The following IQSEC1 variants were observed in gnomAD, a reference collection of about 807,000 sequenced individuals.
The protein encoded by IQSEC1 is IQ motif and Sec7 domain ArfGEF 1.
In IQSEC1, 31 loss-of-function variants were observed where a neutral mutation model predicts 91.0. The observed-to-expected ratio is 0.34, with a 90% confidence interval of 0.26 to 0.46. The LOEUF (loss-of-function observed/expected upper bound fraction) is 0.46, where lower values mean the gene tolerates loss of function less well. IQSEC1 is among the 20% of genes least tolerant of loss of function. IQSEC1 has a pLI of 1.00. For synonymous variants in IQSEC1, 699 were observed against 662.6 expected, an observed-to-expected ratio of 1.05 and a Z score of -0.84; for missense variants, 1,388 against 1,575.6, an observed-to-expected ratio of 0.88 and a Z score of 2.02.
chr3:13,191,314 G>C (rs143159701), intron 1 of IQSEC1, among the ~76,000 whole-genome samples: 2 of 152,232 alleles, frequency 1.3e-5, no homozygotes, highest in East Asian at 3.9e-4. Flanking sequence ...CACAGGCTGG[G>C]CATCTTCCTC....
intron 2 of IQSEC1, among the ~76,000 whole-genome samples, chr3:13,081,749 G>A (rs1018564911): frequency 3.3e-5 from 5 of 152,388 alleles, no homozygotes; most frequent in African/African-American, 1.2e-4. Context: ...GGAGTCGGAT[G>A]TGGGTTTGAA....
intron 3 of IQSEC1, among the ~76,000 whole-genome samples, chr3:12,928,512 A>G (rs1697364354): frequency 6.6e-6 from 1 of 152,140 alleles, no homozygotes; most frequent in South Asian, 2.1e-4. Flanking sequence ...TGCAGGAGTG[A>G]CAGGCCCTCA....
intron 1 of IQSEC1, among the ~76,000 whole-genome samples, chr3:13,275,199 A>G (rs1343809940): frequency 6.6e-6 from 1 of 152,242 alleles, no homozygotes; most frequent in Non-Finnish European, 1.5e-5. Context: ...GGCAGCACCT[A>G]GAACGGGCTC....
At chr3:12,989,218 C>T (rs1701879776) in intron 1 of IQSEC1, among the ~76,000 whole-genome samples, 1 of 152,240 alleles carries the variant, frequency 6.6e-6, no homozygotes, top group Non-Finnish European at 1.5e-5. Flanking sequence ...GGCTTTCGGT[C>T]TCTTTTGCTC....
At position 13,125,847 on chromosome 3, in the gene IQSEC1, C is replaced by T. The variant is rs377634978; in HGVS notation, c.302+38257G>A. ...AGCCAGCTGAGGGCCATGGGCTGCCCGGTGTTCCCCTCCCAGTGCGGTCCT... is the reference window on the plus strand; with the variant it reads ...AGCCAGCTGAGGGCCATGGGCTGCCTGGTGTTCCCCTCCCAGTGCGGTCCT... On this transcript the variant is annotated intron_variant, in intron 2 of 15. Transcript: ENST00000648114. Among the ~76,000 whole-genome samples, 36 of 152,300 alleles carry T rather than the reference C, an allele frequency of 2.4e-4. No homozygotes were observed. In the East Asian group the frequency reaches 5.8e-3, roughly 24 times the overall value.
At chr3:13,210,096 A>G (rs1694415592) in intron 1 of IQSEC1, among the ~76,000 whole-genome samples, 1 of 152,174 alleles carries the variant, frequency 6.6e-6, no homozygotes, top group Admixed American at 6.5e-5. Flanking sequence ...CCCGGTTCTC[A>G]GCCCAGGGAG....
rs188455945 is a variant in IQSEC1 at position 12,970,010 on chromosome 3, A to G, written c.24-28145T>C. On this transcript the variant is annotated intron_variant, in intron 1 of 13. Transcript: ENST00000613206. The surrounding 1 kb of genome is among the most constrained non-coding windows in gnomAD (Gnocchi z 4.4). Reference sequence around the variant, plus strand: ...AGAGAAGGCCAATTTTTCTGCAGAAATGACCAGACTGGTCAGAATCCTTGC... The same window carrying G: ...AGAGAAGGCCAATTTTTCTGCAGAAGTGACCAGACTGGTCAGAATCCTTGC... Among the ~76,000 whole-genome samples the G allele has an allele frequency of 1.5e-3, 224 of 152,372 alleles. 1 individual carries two copies. Among genetic ancestry groups the G allele is most frequent in the Non-Finnish European group, 2.6e-3 (179 of 68,032 alleles).
intron 1 of IQSEC1, among the ~76,000 whole-genome samples, chr3:13,007,717 G>A (rs761985677): frequency 6.6e-6 from 1 of 152,166 alleles, no homozygotes; most frequent in Non-Finnish European, 1.5e-5. Context: ...GAAAGCCTCC[G>A]CAGGCCACCC....
At chr3:12,920,978 G>A (rs772837291) in intron 5 of IQSEC1, among the ~76,000 whole-genome samples, 1 of 152,176 alleles carries the variant, frequency 6.6e-6, no homozygotes, top group African/African-American at 2.4e-5. Context: ...CCTGCCCTCC[G>A]GGACCTTGAG....
intron 2 of IQSEC1, among the ~76,000 whole-genome samples, chr3:13,163,444 C>T (rs1386800732): frequency 6.6e-6 from 1 of 152,206 alleles, no homozygotes; most frequent in Non-Finnish European, 1.5e-5. Flanking sequence ...TGACCCCCAT[C>T]TCCCATGACC....
intron 2 of IQSEC1, among the ~76,000 whole-genome samples, chr3:13,078,432 C>G (rs1044954040): frequency 2.6e-5 from 4 of 152,192 alleles, no homozygotes; most frequent in African/African-American, 7.2e-5. Flanking sequence ...GGCTCCCTCC[C>G]GCACCCAACG....
chr3:13,190,168 C>T (rs1172849829), intron 1 of IQSEC1, among the ~76,000 whole-genome samples: 1 of 152,194 alleles, frequency 6.6e-6, no homozygotes, highest in Non-Finnish European at 1.5e-5. Flanking sequence ...CAAGAACCCT[C>T]CCCCCAACCC....
intron 2 of IQSEC1, among the ~76,000 whole-genome samples, chr3:13,090,476 C>A (rs776251209): frequency 3.9e-5 from 6 of 152,190 alleles, no homozygotes; most frequent in Non-Finnish European, 8.8e-5. Flanking sequence ...AGTCCCAGCA[C>A]TCAGGCACAC....
intron 13 of IQSEC1, 115 bp downstream of exon 13, chr3:12,902,658 C>CAAAAAAAAAAAAAAA (rs63063761): frequency 2.3e-5 from 6 of 264,630 alleles, no homozygotes; most frequent in African/African-American, 5.0e-5. Flanking sequence ...AAAAAAACAA[C>CAAAAAAAAAAAAAAA]AAAAAAAAAA....
chr3:12,899,249 T>C lies in IQSEC1; in HGVS notation c.*1734A>G, dbSNP rs1454072065. On this transcript the variant is annotated 3_prime_UTR_variant, in exon 14 of 14. Transcript: ENST00000613206. ...ACAGCCAGAGGGGGCTCCCCTCTCC[T>C]CCTGCCGTCCGGCCACGGCTCACCA... 2.2e-6 allele frequency: 2 copies of C among 928,918 alleles called. No homozygotes were observed. Among genetic ancestry groups the C allele is most frequent in the African/African-American group, 3.3e-5 (2 of 59,816 alleles). 57.5% of individuals were successfully genotyped at this position (928,918 alleles called of 1,614,324 possible). A position where few individuals can be genotyped will look rare whatever the true frequency, so the allele number is the denominator to read the frequency against.
rs76859533 is a variant in IQSEC1 at position 12,996,778 on chromosome 3, G to T, written c.24-54913C>A. ...AAAGGATATGAACAAGCAGCTCATGGAAAGATCTTCAATCTCACTTGTAAT... is the reference window on the plus strand; with the variant it reads ...AAAGGATATGAACAAGCAGCTCATGTAAAGATCTTCAATCTCACTTGTAAT... On this transcript the variant is annotated intron_variant, in intron 1 of 13. Coordinates refer to ENST00000613206, the MANE Select transcript of IQSEC1 (RefSeq NM_001134382.3). 8.3e-3 allele frequency among the ~76,000 whole-genome samples: 1,266 copies of T among 152,316 alleles called. 18 individuals are homozygous for T. The highest frequency in any genetic ancestry group is 0.029 in the African/African-American group (1,203 of 41,574).
intron 1 of IQSEC1, among the ~76,000 whole-genome samples, chr3:13,179,508 A>G (rs985985605): frequency 6.6e-6 from 1 of 152,272 alleles, no homozygotes; most frequent in Non-Finnish European, 1.5e-5. Context: ...ACAGTGATAA[A>G]GGGGCCAATT....
chr3:12,913,005 G>A lies in IQSEC1; in HGVS notation c.2316+423C>T, dbSNP rs192043687. 3.1e-3 allele frequency among the ~76,000 whole-genome samples: 467 copies of A among 152,352 alleles called. 4 individuals carry two copies. Among genetic ancestry groups the A allele is most frequent in the African/African-American group, 9.5e-3 (396 of 41,584 alleles). On this transcript the variant is annotated intron_variant, in intron 9 of 13. Transcript: ENST00000613206. ...AGAGGCTTAGGGAGGGATGTGCAGC[G>A]ACAAGCGCTAACTCTGCAACCTCTG...
intron 1 of IQSEC1, among the ~76,000 whole-genome samples, chr3:13,256,758 T>G (rs1193300473): frequency 6.6e-6 from 1 of 152,050 alleles, no homozygotes; most frequent in Admixed American, 6.5e-5. Flanking sequence ...AAGGACAAAC[T>G]GGAGGACCCG....
Sources: gnomAD v4.1 joint callset for allele counts (sites outside exome capture counted in the v4.1 genomes callset) on GRCh38, gnomAD v4.1.1 for gene constraint, Gnocchi (gnomAD v3.1) non-coding constraint, MANE v1.5 for transcripts, NCBI Gene and HGNC (gene_info 2026-07-23, HGNC 2026-07-21) for gene names.